ROBO2: variants seen among roughly 807,000 people sequenced by gnomAD.
ROBO2 encodes roundabout guidance receptor 2.
In ROBO2, 53 loss-of-function variants were observed where a neutral mutation model predicts 160.8. The ratio of observed to expected loss-of-function variants is 0.33; its 90% CI spans 0.26 to 0.41. ROBO2 has a LOEUF of 0.41. Among genes scored for constraint, ROBO2 ranks in the 10% least tolerant of loss-of-function variants. The pLI is 1.00. For missense variants in ROBO2, 1,577 were observed against 1,722.4 expected (o/e 0.92, Z 1.49); for synonymous variants, 664 against 611.7 (o/e 1.09, Z -1.26).
chr3:77,599,965 T>G (rs1294511212), intron 19 of ROBO2, among the ~76,000 whole-genome samples: 1 of 152,132 alleles, frequency 6.6e-6, no homozygotes, highest in Non-Finnish European at 1.5e-5. Context: ...AGGAAATAAA[T>G]GTGAGTACAA....
intron 2 of ROBO2, among the ~76,000 whole-genome samples, chr3:76,441,209 G>A (rs1239925819): frequency 1.3e-5 from 2 of 152,068 alleles, no homozygotes; most frequent in African/African-American, 4.8e-5. Context: ...ATTAAGACAT[G>A]GTTTTAATTA....
At chr3:76,671,800 AT>A in intron 2 of ROBO2, among the ~76,000 whole-genome samples, 1 of 152,228 alleles carries the variant, frequency 6.6e-6, no homozygotes, top group Non-Finnish European at 1.5e-5. Flanking sequence ...ACATATTTGT[AT>A]TTTTAAAATA....
chr3:76,129,892 G>T (rs1411802418), intron 2 of ROBO2, among the ~76,000 whole-genome samples: 1 of 151,944 alleles, frequency 6.6e-6, no homozygotes, highest in Non-Finnish European at 1.5e-5. Context: ...AGATCATTTT[G>T]ATATATTTTA....
intron 2 of ROBO2, among the ~76,000 whole-genome samples, chr3:76,655,078 G>T (rs781093643): frequency 6.6e-6 from 1 of 150,888 alleles, no homozygotes; most frequent in Non-Finnish European, 1.5e-5. Flanking sequence ...AAAAAGCGGG[G>T]TTACAATTTT....
intron 2 of ROBO2, among the ~76,000 whole-genome samples, chr3:76,812,412 C>T (rs77007156): frequency 0.09 from 13,190 of 146,578 alleles, 722 homozygotes; most frequent in South Asian, 0.13. Flanking sequence ...AGTATTTGAG[C>T]ATCGCAGCCC....
rs1372285337 is a variant in ROBO2 at position 75,909,125 on chromosome 3, GA to G, written c.-14+2166del. The stretch of plus-strand genomic sequence containing the variant: ...GTGACCACATTCATAAAACTTTATT[GA>G]TAAGTACTTTGGTGTCTGACACGGG... On this transcript the variant is annotated intron_variant, in intron 1 of 26. Coordinates refer to the ROBO2 transcript ENST00000487694. Among the ~76,000 whole-genome samples the G allele has an allele frequency of 2.0e-5, 3 of 152,296 alleles. No homozygotes were observed. The East Asian group carries it at 5.8e-4, about 29-fold the overall frequency.
At chr3:76,288,792 C>G (rs576308633) in intron 2 of ROBO2, among the ~76,000 whole-genome samples, 7 of 152,238 alleles carry the variant, frequency 4.6e-5, no homozygotes, top group Admixed American at 3.3e-4. Flanking sequence ...CCTCCCAGCT[C>G]TATCCGTGTT....
chr3:76,185,213 TATACACACACAA>T (rs1701696039), intron 2 of ROBO2, among the ~76,000 whole-genome samples: 1 of 82,924 alleles, frequency 1.2e-5, no homozygotes, highest in Non-Finnish European at 2.9e-5. Flanking sequence ...TATATATATA[TATACACACACAA>T]AGATGTTATA....
At chr3:76,479,829 T>C (rs770629091) in intron 2 of ROBO2, among the ~76,000 whole-genome samples, 15 of 152,172 alleles carry the variant, frequency 9.9e-5, no homozygotes, top group Non-Finnish European at 1.3e-4. Flanking sequence ...CAACTTTGGA[T>C]AAAATGTCTT....
intron 2 of ROBO2, among the ~76,000 whole-genome samples, chr3:77,368,442 CAA>C (rs2071256167): frequency 6.6e-6 from 1 of 152,058 alleles, no homozygotes; most frequent in African/African-American, 2.4e-5. Context: ...GAAGTTGAAA[CAA>C]GACAAAAAAA....
chr3:76,361,795 A>G (rs572405603), intron 2 of ROBO2, among the ~76,000 whole-genome samples: 1 of 152,106 alleles, frequency 6.6e-6, no homozygotes, highest in Non-Finnish European at 1.5e-5. Flanking sequence ...TGCTAATATT[A>G]TACAGGAAAT....
At chr3:76,710,647 T>C (rs1208569468) in intron 2 of ROBO2, among the ~76,000 whole-genome samples, 2 of 152,292 alleles carry the variant, frequency 1.3e-5, no homozygotes, top group African/African-American at 4.8e-5. Flanking sequence ...CTGAGACTGC[T>C]CTTTCTGATC....
intron 2 of ROBO2, among the ~76,000 whole-genome samples, chr3:77,173,622 C>T (rs1037817448): frequency 4.0e-5 from 6 of 151,836 alleles, no homozygotes; most frequent in Non-Finnish European, 8.8e-5. Flanking sequence ...GTCTTGGCAC[C>T]ATTCATTTTT....
At chr3:76,856,164 G>A (rs377364295) in intron 2 of ROBO2, among the ~76,000 whole-genome samples, 81 of 152,242 alleles carry the variant, frequency 5.3e-4, no homozygotes, top group African/African-American at 1.8e-3. Context: ...AACTGAAGTC[G>A]ATACAGGCTT....
At chr3:76,215,474 T>G (rs1044184621) in intron 2 of ROBO2, among the ~76,000 whole-genome samples, 1 of 152,130 alleles carries the variant, frequency 6.6e-6, no homozygotes, top group Non-Finnish European at 1.5e-5. Flanking sequence ...AAGGACCTGA[T>G]GGAGCTAAAA....
At chr3:76,330,636 G>C (rs535321951) in intron 2 of ROBO2, among the ~76,000 whole-genome samples, 3 of 152,268 alleles carry the variant, frequency 2.0e-5, no homozygotes, top group Admixed American at 1.3e-4. Flanking sequence ...ATCATTAAGA[G>C]CAATTTGTGC....
chr3:77,159,378 A>G (rs1463511400), intron 2 of ROBO2, among the ~76,000 whole-genome samples: 7 of 152,136 alleles, frequency 4.6e-5, no homozygotes, highest in African/African-American at 1.7e-4. Flanking sequence ...CATTTTAGTG[A>G]TGAATTTCCC....
At chr3:76,517,998 T>C (rs1467679942) in intron 2 of ROBO2, among the ~76,000 whole-genome samples, 2 of 152,198 alleles carry the variant, frequency 1.3e-5, no homozygotes, top group South Asian at 2.1e-4. Context: ...AAAAAAACTT[T>C]ATCATGCATC....
At chr3:76,099,357 C>T (rs994647499) in intron 2 of ROBO2, among the ~76,000 whole-genome samples, 1 of 151,202 alleles carries the variant, frequency 6.6e-6, no homozygotes, top group Non-Finnish European at 1.5e-5. Flanking sequence ...TCTAAGCACC[C>T]ATTATGTTTT....
Sources: gnomAD v4.1 joint callset for allele counts (sites outside exome capture counted in the v4.1 genomes callset) on GRCh38, gnomAD v4.1.1 for gene constraint, MANE v1.5 for transcripts, NCBI Gene and HGNC (gene_info 2026-07-23, HGNC 2026-07-21) for gene names.